The following HOOK3 variants were observed in gnomAD, a reference collection of about 807,000 sequenced individuals.
HOOK3 encodes protein Hook homolog 3.
In HOOK3, 24 loss-of-function variants were observed where a neutral mutation model predicts 116.3. That is an observed-to-expected ratio of 0.21 (90% CI 0.15 to 0.29). The LOEUF (loss-of-function observed/expected upper bound fraction) is 0.29, where lower values mean the gene tolerates loss of function less well. HOOK3 is among the 10% of genes least tolerant of loss of function. The probability of loss-of-function intolerance (pLI) is 1.00; values close to 1 mark genes in which losing one functional copy is unlikely to be tolerated. For missense variants in HOOK3, 632 were observed against 830.2 expected (o/e 0.76, Z 2.93); for synonymous variants, 275 against 283.0 (o/e 0.97, Z 0.28).
At chr8:42,950,492 T>C in intron 6 of HOOK3, 37 bp downstream of exon 6, 3 of 1,383,640 alleles carry the variant, frequency 2.2e-6, no homozygotes, top group East Asian at 2.3e-5. Flanking sequence ...TTATGAAAAA[T>C]TAAAGGAGTA....
chr8:42,974,082 C>G, intron 12 of HOOK3, 25 bp from the exon 13 acceptor site: 5 of 1,539,672 alleles, frequency 3.2e-6, no homozygotes, highest in Non-Finnish European at 4.5e-6. Flanking sequence ...TGAAGCTAAC[C>G]CTCCATGTTT....
In HOOK3 at chr8:42,973,400, G is replaced by A; in HGVS notation, c.1233+1G>A. On this transcript the variant is annotated splice_donor_variant, in intron 12 of 21. Transcript: ENST00000307602. LOFTEE classifies it high-confidence loss of function. Reference sequence around the variant, plus strand: ...TGACAGTCTTCAAAAAGAAAAGGACGTGAGTATATATATTAGGCATTTTGG... The same window carrying A: ...TGACAGTCTTCAAAAAGAAAAGGACATGAGTATATATATTAGGCATTTTGG... 6.2e-7 allele frequency: 1 copy of A among 1,605,054 alleles called. No homozygotes were observed. Among genetic ancestry groups the A allele is most frequent in the South Asian group, 1.1e-5 (1 of 90,586 alleles).
rs370955054 is a variant in HOOK3 at position 42,973,793 on chromosome 8, T to C, written c.1234-314T>C. 1.8e-4 allele frequency among the ~76,000 whole-genome samples: 27 copies of C among 152,336 alleles called. No individual in the cohort carries two copies. The East Asian group carries it at 5.2e-3, about 29-fold the overall frequency. Reference sequence around the variant, plus strand: ...TTTCATGATTTATGAATATTTATTGTCTTTGTTCTCCAATGTTTTATGTCT... The same window carrying C: ...TTTCATGATTTATGAATATTTATTGCCTTTGTTCTCCAATGTTTTATGTCT... On this transcript the variant is annotated intron_variant, in intron 12 of 21. Transcript: ENST00000307602.
chr8:42,901,492 A>G (rs73635339), intron 1 of HOOK3, among the ~76,000 whole-genome samples: 2,182 of 152,248 alleles, frequency 0.014, 52 homozygotes, highest in African/African-American at 0.051. Flanking sequence ...CATCATGACT[A>G]TCTAGTTCCA....
intron 2 of HOOK3, among the ~76,000 whole-genome samples, chr8:42,911,216 C>T (rs1807422282): frequency 1.3e-5 from 2 of 152,160 alleles, no homozygotes; most frequent in African/African-American, 4.8e-5. Flanking sequence ...CTTTGGGAGG[C>T]CGAGGCGGGT....
intron 6 of HOOK3, among the ~76,000 whole-genome samples, chr8:42,955,145 C>T (rs1229903842): frequency 1.3e-5 from 2 of 152,200 alleles, no homozygotes; most frequent in Non-Finnish European, 2.9e-5. Flanking sequence ...TTAAACAACA[C>T]AGGTCTACTT....
At chr8:42,952,410 G>T (rs758151192) in intron 6 of HOOK3, among the ~76,000 whole-genome samples, 1 of 152,210 alleles carries the variant, frequency 6.6e-6, no homozygotes, top group Non-Finnish European at 1.5e-5. Flanking sequence ...GCCAACCAGA[G>T]AAGCTTACCT....
At chr8:42,930,098 G>C in intron 3 of HOOK3, 24 bp from the exon 4 acceptor site, 6 of 1,551,032 alleles carry the variant, frequency 3.9e-6, no homozygotes, top group Non-Finnish European at 4.3e-6. Flanking sequence ...CTTTTACCCA[G>C]TTGTTTTCTC....
At chr8:42,916,287 G>T (rs906516875) in intron 2 of HOOK3, among the ~76,000 whole-genome samples, 1 of 152,228 alleles carries the variant, frequency 6.6e-6, no homozygotes, top group African/African-American at 2.4e-5. Context: ...AAAGTTAAAA[G>T]AAAGCTAATT....
chr8:42,966,938 C>T (rs1344074667), intron 10 of HOOK3, among the ~76,000 whole-genome samples: 2 of 152,042 alleles, frequency 1.3e-5, no homozygotes, highest in African/African-American at 2.4e-5. Context: ...GCTGTTCTTC[C>T]GCCACGCCCG....
intron 6 of HOOK3, among the ~76,000 whole-genome samples, chr8:42,951,983 A>T (rs534572389): frequency 1.3e-5 from 2 of 152,192 alleles, no homozygotes; most frequent in Non-Finnish European, 2.9e-5. Flanking sequence ...AAAATATTCA[A>T]TTAAATGCAA....
At chr8:42,988,210 G>A (rs1809084505) in intron 15 of HOOK3, among the ~76,000 whole-genome samples, 1 of 152,186 alleles carries the variant, frequency 6.6e-6, no homozygotes, top group Admixed American at 6.5e-5. Context: ...AAAGTACTCA[G>A]AAAAAGTGGG....
At chr8:43,009,917 T>G (rs912895081) in intron 18 of HOOK3, among the ~76,000 whole-genome samples, 2 of 152,120 alleles carry the variant, frequency 1.3e-5, no homozygotes, top group Non-Finnish European at 2.9e-5. Context: ...CATATAATAT[T>G]TGTCCTTTTG....
intron 13 of HOOK3, among the ~76,000 whole-genome samples, chr8:42,975,709 A>G (rs1808809072): frequency 6.6e-6 from 1 of 152,160 alleles, no homozygotes; most frequent in Non-Finnish European, 1.5e-5. Flanking sequence ...TTACCTTAAG[A>G]TAGATACATA....
At position 42,975,766 on chromosome 8, in the gene HOOK3, C is replaced by T. The variant is rs549682056; in HGVS notation, c.1321+1572C>T. ...TGTCACCCAGGCTGGAGTGCAGTGG[C>T]GAGATCTTGGCTCAGTGCAACCTCC... On this transcript the variant is annotated intron_variant, in intron 13 of 21. Transcript: ENST00000307602. Among the ~76,000 whole-genome samples, 178 of 152,224 alleles carry T rather than the reference C, an allele frequency of 1.2e-3. 1 individual carries two copies. The highest frequency in any genetic ancestry group is 1.0e-2 in the South Asian group (48 of 4,818).
intron 4 of HOOK3, among the ~76,000 whole-genome samples, chr8:42,938,702 AT>A (rs1808026915): frequency 5.4e-5 from 8 of 148,412 alleles, no homozygotes; most frequent in Admixed American, 5.3e-4. Flanking sequence ...CTTTTCTTTT[AT>A]TTATTTATTT....
chr8:42,910,654 C>A (rs991586528), intron 2 of HOOK3, among the ~76,000 whole-genome samples: 1 of 152,318 alleles, frequency 6.6e-6, no homozygotes, highest in East Asian at 1.9e-4. Context: ...TATTGTTACA[C>A]AGTATCTATT....
intron 21 of HOOK3, among the ~76,000 whole-genome samples, chr8:43,017,587 T>C (rs1007306842): frequency 2.0e-5 from 3 of 152,196 alleles, no homozygotes; most frequent in African/African-American, 7.2e-5. Context: ...TGGCTAGGAT[T>C]CTTCATTGTC....
intron 2 of HOOK3, among the ~76,000 whole-genome samples, chr8:42,918,021 A>G: frequency 1.3e-5 from 2 of 152,262 alleles, no homozygotes; most frequent in East Asian, 3.8e-4. Context: ...GCTAGTAAAG[A>G]TGCCATGTTA....
Sources: gnomAD v4.1 joint callset for allele counts (sites outside exome capture counted in the v4.1 genomes callset) on GRCh38, gnomAD v4.1.1 for gene constraint, MANE v1.5 for transcripts, NCBI Gene and HGNC (gene_info 2026-07-23, HGNC 2026-07-21) for gene names.